Variants in RANBP2 observed in about 807,000 individuals in gnomAD.
RANBP2 encodes the protein RAN binding protein 2.
Under a neutral mutation model 303.6 loss-of-function variants are expected in RANBP2, and 57 were observed. That is an observed-to-expected ratio of 0.19 (90% CI 0.15 to 0.23). RANBP2 has a LOEUF of 0.23. RANBP2 is among the 10% of genes least tolerant of loss of function. RANBP2 has a pLI of 1.00. For synonymous variants in RANBP2, 1,167 were observed against 1,301.5 expected (o/e 0.90, Z 2.23); for missense variants, 3,138 against 3,780.8 (o/e 0.83, Z 4.46).
At position 108,773,139 on chromosome 2, in the gene RANBP2, C is replaced by T. The variant is rs1677629324; in HGVS notation, c.8292+93C>T. The T allele has an allele frequency of 4.5e-6, 6 of 1,341,722 alleles. No homozygotes were observed. In the South Asian group the frequency reaches 6.3e-5, roughly 14 times the overall value. The allele number at this position is 1,341,722 out of a possible 1,614,324, so 83.1% of individuals were successfully genotyped here. A position where few individuals can be genotyped will look rare whatever the true frequency, so the allele number is the denominator to read the frequency against. Reference sequence around the variant, plus strand: ...TGTTCTTATTTATTTATTTTTGAGACAGAATTTTACTCTTGTTGCCCAGGC... The same window carrying T: ...TGTTCTTATTTATTTATTTTTGAGATAGAATTTTACTCTTGTTGCCCAGGC... On this transcript the variant is annotated intron_variant, in intron 23 of 28. Coordinates refer to ENST00000283195, the MANE Select transcript of RANBP2 (RefSeq NM_006267.5).
the RANBP2 span, among the ~76,000 whole-genome samples, chr2:109,293,677 A>G: frequency 9.2e-5 from 14 of 152,358 alleles, no homozygotes; most frequent in Admixed American, 2.6e-4. Context: ...GATGAGTTAC[A>G]TCGGAAAGTG....
the RANBP2 span, among the ~76,000 whole-genome samples, chr2:109,306,962 A>G: frequency 3.9e-5 from 6 of 152,210 alleles, no homozygotes; most frequent in African/African-American, 1.4e-4. Flanking sequence ...TTTTTGCTCA[A>G]TTGCTTGCCG....
At chr2:109,020,458 G>C in the RANBP2 span, among the ~76,000 whole-genome samples, 1 of 152,228 alleles carries the variant, frequency 6.6e-6, no homozygotes, top group Non-Finnish European at 1.5e-5. Context: ...GCTATTTTTA[G>C]TGAAAGCAAA....
At chr2:109,068,335 T>C in the RANBP2 span, among the ~76,000 whole-genome samples, 1 of 152,108 alleles carries the variant, frequency 6.6e-6, no homozygotes, top group African/African-American at 2.4e-5. Context: ...GTGCACAGGA[T>C]TAAGAACACC....
the RANBP2 span, among the ~76,000 whole-genome samples, chr2:109,022,839 T>C: frequency 6.6e-6 from 1 of 151,940 alleles, no homozygotes; most frequent in East Asian, 1.9e-4. Context: ...TCACCTGAGG[T>C]CAGGAGTTTG....
At chr2:109,633,054 C>T in the RANBP2 span, among the ~76,000 whole-genome samples, 14 of 152,156 alleles carry the variant, frequency 9.2e-5, no homozygotes, top group Admixed American at 4.6e-4. Flanking sequence ...GGCACATCCA[C>T]TGGAATTTTT....
the RANBP2 span, among the ~76,000 whole-genome samples, chr2:108,835,904 C>G: frequency 6.6e-6 from 1 of 152,200 alleles, no homozygotes; most frequent in African/African-American, 2.4e-5. Flanking sequence ...GCTGCATCCT[C>G]ACATGGCACA....
chr2:108,723,963 A>C (rs1232718197), intron 1 of RANBP2, among the ~76,000 whole-genome samples: 3 of 152,312 alleles, frequency 2.0e-5, no homozygotes, highest in Admixed American at 6.5e-5. Flanking sequence ...TTCTCCAACC[A>C]GGATTGGTTT....
the RANBP2 span, among the ~76,000 whole-genome samples, chr2:109,235,484 G>A: frequency 8.1e-4 from 123 of 152,344 alleles, 2 homozygotes; most frequent in East Asian, 1.7e-3. Flanking sequence ...CTCATGCCAG[G>A]ACAACAGGTG....
the RANBP2 span, among the ~76,000 whole-genome samples, chr2:108,838,375 T>C: frequency 6.6e-6 from 1 of 152,224 alleles, no homozygotes; most frequent in Non-Finnish European, 1.5e-5. Flanking sequence ...TAATCATTAG[T>C]CCGGAGAATC....
At chr2:109,191,540 T>A in the RANBP2 span, among the ~76,000 whole-genome samples, 1 of 152,088 alleles carries the variant, frequency 6.6e-6, no homozygotes, top group Non-Finnish European at 1.5e-5. Context: ...CTCCTGAGAG[T>A]CTGCTCAGGC....
chr2:108,806,227 G>A, the RANBP2 span, among the ~76,000 whole-genome samples: 343 of 152,266 alleles, frequency 2.3e-3, no homozygotes, highest in African/African-American at 7.7e-3. Flanking sequence ...TATCCATGGA[G>A]AGATTGCTCT....
At chr2:109,283,818 T>C in the RANBP2 span, among the ~76,000 whole-genome samples, 5 of 152,338 alleles carry the variant, frequency 3.3e-5, no homozygotes, top group Non-Finnish European at 5.9e-5. Flanking sequence ...CTCTGCTCCC[T>C]GGGAGGATTT....
At chr2:108,941,955 A>G in the RANBP2 span, among the ~76,000 whole-genome samples, 1 of 152,210 alleles carries the variant, frequency 6.6e-6, no homozygotes, top group Admixed American at 6.5e-5. Context: ...AGGCCTGTCC[A>G]TGCCACGGTT....
At chr2:109,059,272 G>A in the RANBP2 span, among the ~76,000 whole-genome samples, 1 of 152,150 alleles carries the variant, frequency 6.6e-6, no homozygotes, top group Non-Finnish European at 1.5e-5. Flanking sequence ...TAAACTATCA[G>A]TGTCAAGGTC....
chr2:108,961,877 G>A, the RANBP2 span, among the ~76,000 whole-genome samples: 9 of 152,190 alleles, frequency 5.9e-5, no homozygotes, highest in African/African-American at 1.9e-4. Context: ...GAAGCAGTGA[G>A]TCCATAGCAA....
chr2:109,331,251 C>A, the RANBP2 span, among the ~76,000 whole-genome samples: 2 of 152,202 alleles, frequency 1.3e-5, no homozygotes, highest in Non-Finnish European at 2.9e-5. Flanking sequence ...CCCCCACCCG[C>A]CTGTCCCGCA....
chr2:109,117,445 A>G, the RANBP2 span, among the ~76,000 whole-genome samples: 10 of 152,244 alleles, frequency 6.6e-5, no homozygotes, highest in Non-Finnish European at 1.5e-4. Context: ...AGCTAGGTGC[A>G]GGATATAATC....
At chr2:108,798,320 C>A in the RANBP2 span, 2 of 1,192,818 alleles carry the variant, frequency 1.7e-6, no homozygotes, top group South Asian at 3.1e-5. Flanking sequence ...TTAGGTACCC[C>A]TGTATTCCTG....
Sources: allele counts gnomAD v4.1 joint callset (sites outside exome capture counted in the v4.1 genomes callset), GRCh38; gene constraint gnomAD v4.1.1; transcripts MANE v1.5; gene names NCBI Gene and HGNC (gene_info 2026-07-23, HGNC 2026-07-21).